ZNF385D: variants seen among roughly 807,000 people sequenced by gnomAD.
ZNF385D encodes the protein zinc finger protein 385D, also known as zinc finger protein 659.
Under a neutral mutation model 35.8 loss-of-function variants are expected in ZNF385D, and 15 were observed. That is an observed-to-expected ratio of 0.42 (90% CI 0.28 to 0.64). The LOEUF (loss-of-function observed/expected upper bound fraction) is 0.64, where lower values mean the gene tolerates loss of function less well. Ranked by LOEUF, ZNF385D falls within the 30% of genes least tolerant of loss-of-function variation. The probability of loss-of-function intolerance (pLI) is 0.23; values close to 1 mark genes in which losing one functional copy is unlikely to be tolerated. For synonymous variants in ZNF385D, 212 were observed against 186.8 expected (o/e 1.13, Z -1.10); for missense variants, 474 against 494.6 (o/e 0.96, Z 0.39).
intron 3 of ZNF385D, among the ~76,000 whole-genome samples, chr3:21,972,189 G>A (rs994976735): frequency 2.6e-5 from 4 of 151,976 alleles, no homozygotes; most frequent in African/African-American, 4.8e-5. Context: ...CTCAAGGATA[G>A]ACCATATAAT....
chr3:22,167,246 A>G (rs943678362), intron 3 of ZNF385D, among the ~76,000 whole-genome samples: 5 of 152,090 alleles, frequency 3.3e-5, no homozygotes, highest in Non-Finnish European at 7.4e-5. Context: ...CCCTTTGCTA[A>G]TTGGTTTTCT....
At chr3:21,704,691 T>C (rs1232894449) in intron 1 of ZNF385D, among the ~76,000 whole-genome samples, 1 of 152,006 alleles carries the variant, frequency 6.6e-6, no homozygotes, top group African/African-American at 2.4e-5. Flanking sequence ...TATTTCCTGA[T>C]TCATTACCTT....
At chr3:22,163,725 T>A in intron 3 of ZNF385D, among the ~76,000 whole-genome samples, 1 of 152,316 alleles carries the variant, frequency 6.6e-6, no homozygotes, top group East Asian at 1.9e-4. Context: ...TAGGTAAAAA[T>A]CTCTATTGTT....
chr3:21,751,456 G>T, upstream of ZNF385D: 1 of 986,588 alleles, frequency 1.0e-6, no homozygotes, highest in Non-Finnish European at 1.2e-6. Flanking sequence ...CGTGGTTAAG[G>T]CGAGTTCTGC....
At chr3:21,702,885 T>C (rs899826421) in intron 1 of ZNF385D, among the ~76,000 whole-genome samples, 11 of 152,302 alleles carry the variant, frequency 7.2e-5, no homozygotes, top group Admixed American at 4.6e-4. Context: ...ACCTGGACCT[T>C]ATTGTTCATA....
Position 22,139,629 on chromosome 3 carries a change from G to A in ZNF385D, c.325+29188C>T, listed in dbSNP as rs971133148. 3.3e-5 allele frequency among the ~76,000 whole-genome samples: 5 copies of A among 150,274 alleles called. No individual in the cohort carries two copies. The South Asian group carries it at 8.6e-4, about 26-fold the overall frequency. ...GGGGCCTGTTGTGGGGTGGGGGGAG[G>A]AGGGAGGGATAGCATTAGGTGATAT... On this transcript the variant is annotated intron_variant, in intron 3 of 5. Coordinates refer to the ZNF385D transcript ENST00000494108.
upstream of ZNF385D, among the ~76,000 whole-genome samples, chr3:21,751,652 G>A (rs1303443618): frequency 2.0e-5 from 3 of 152,024 alleles, no homozygotes; most frequent in Admixed American, 1.3e-4. Flanking sequence ...ATATATAAGA[G>A]GAATAAAAGG....
At position 21,539,498 on chromosome 3, in the gene ZNF385D, A is replaced by C. The variant is rs1346518532; in HGVS notation, c.276+25076T>G. Among the ~76,000 whole-genome samples the C allele has an allele frequency of 4.6e-5, 7 of 152,290 alleles. No homozygotes were observed. The South Asian group carries it at 1.4e-3, about 32-fold the overall frequency. On this transcript the variant is annotated intron_variant, in intron 3 of 7. Transcript: ENST00000281523. This position sits in a 1 kb window ranked among gnomAD's most constrained non-coding sequence, Gnocchi z 4.0. ...TTAGGCCTTTTAATAGAAGGACATG[A>C]CTTCTAATTAAATCCACATTATTCA...
chr3:21,705,379 A>ATT (rs2067858374), intron 1 of ZNF385D, among the ~76,000 whole-genome samples: 1 of 152,206 alleles, frequency 6.6e-6, no homozygotes, highest in African/African-American at 2.4e-5. Flanking sequence ...GTTCTCCTAT[A>ATT]TTTATATTTT....
At chr3:22,232,902 T>G (rs191730080) in intron 2 of ZNF385D, among the ~76,000 whole-genome samples, 256 of 152,340 alleles carry the variant, frequency 1.7e-3, no homozygotes, top group African/African-American at 5.9e-3. Flanking sequence ...TCAATTTCAC[T>G]GGATTCTCTT....
intron 3 of ZNF385D, among the ~76,000 whole-genome samples, chr3:21,931,163 A>C (rs548173440): frequency 1.3e-5 from 2 of 152,330 alleles, no homozygotes; most frequent in South Asian, 4.1e-4. Flanking sequence ...AAAAATATAC[A>C]AATGTCTAAT....
chr3:21,425,592 C>G lies in ZNF385D; in HGVS notation c.752G>C (p.Gly251Ala). ...IKAFPRAGVKGKGPVNKGNTG... is the reference protein window; with the variant it reads ...IKAFPRAGVKAKGPVNKGNTG... ...GTTTCCTTTATTAACAGGTCCTTTG[C>G]CTTTCACTCCTGCCCTAGGAAAGGC... Residue 251 changes from glycine to alanine, a missense_variant, in exon 6 of 8, where the codon GGC (glycine) becomes GCC (alanine). Coordinates refer to ENST00000281523, the MANE Select transcript of ZNF385D (RefSeq NM_024697.3). The G allele has an allele frequency of 6.2e-7, 1 of 1,608,940 alleles. No individual in the cohort carries two copies. Among genetic ancestry groups the G allele is most frequent in the Non-Finnish European group, 8.5e-7 (1 of 1,177,476 alleles).
intron 3 of ZNF385D, among the ~76,000 whole-genome samples, chr3:21,929,044 A>G (rs572710104): frequency 6.6e-6 from 1 of 152,292 alleles, no homozygotes; most frequent in South Asian, 2.1e-4. Context: ...CTATAATTCA[A>G]TATCTCTCAT....
chr3:22,256,803 T>G (rs756909442), intron 2 of ZNF385D, among the ~76,000 whole-genome samples: 6 of 151,900 alleles, frequency 3.9e-5, no homozygotes, highest in Non-Finnish European at 8.8e-5. Context: ...TTCTTCAATG[T>G]GTTGTAATGA....
intron 2 of ZNF385D, among the ~76,000 whole-genome samples, chr3:22,198,619 C>T (rs981215354): frequency 6.6e-6 from 1 of 152,006 alleles, no homozygotes; most frequent in African/African-American, 2.4e-5. Context: ...ATCTTTCAGA[C>T]CTTTAATTTT....
intron 3 of ZNF385D, among the ~76,000 whole-genome samples, chr3:21,967,710 C>T (rs1044565949): frequency 5.3e-5 from 8 of 152,188 alleles, no homozygotes; most frequent in Non-Finnish European, 1.0e-4. Context: ...GCTGGGGAAA[C>T]AACAATTAGA....
At chr3:21,684,498 T>C (rs1246776848) in intron 1 of ZNF385D, among the ~76,000 whole-genome samples, 1 of 149,782 alleles carries the variant, frequency 6.7e-6, no homozygotes, top group African/African-American at 2.5e-5. Flanking sequence ...ACCCAGACCA[T>C]TTCAATAACG....
At chr3:22,202,877 T>C (rs1276535056) in intron 2 of ZNF385D, among the ~76,000 whole-genome samples, 3 of 152,094 alleles carry the variant, frequency 2.0e-5, no homozygotes, top group South Asian at 2.1e-4. Flanking sequence ...ACCCATTCCA[T>C]TGGTTGAAAC....
rs144536881 is a variant in ZNF385D, at chr3:22,108,937, G to A, written c.325+59880C>T. On this transcript the variant is annotated intron_variant, in intron 3 of 5. Transcript: ENST00000494108. Reference sequence around the variant, plus strand: ...TGAGGCAGGAGAATCGCTTGAACCTGAGAAGCGGAGGTTGCAATGAGCCAA... The same window carrying A: ...TGAGGCAGGAGAATCGCTTGAACCTAAGAAGCGGAGGTTGCAATGAGCCAA... Among the ~76,000 whole-genome samples, 674 of 152,198 alleles carry A rather than the reference G, an allele frequency of 4.4e-3. 8 individuals carry two copies. The highest frequency in any genetic ancestry group is 0.015 in the African/African-American group (629 of 41,528).
Sources: allele counts gnomAD v4.1 joint callset (sites outside exome capture counted in the v4.1 genomes callset), GRCh38; gene constraint gnomAD v4.1.1; non-coding constraint Gnocchi (gnomAD v3.1); transcripts MANE v1.5; gene names NCBI Gene and HGNC (gene_info 2026-07-23, HGNC 2026-07-21).